Variants in PTPRT observed in about 807,000 individuals in gnomAD.
PTPRT encodes receptor-type tyrosine-protein phosphatase T.
A neutral mutation model predicts 176.8 loss-of-function variants in PTPRT; 56 were observed. That is an observed-to-expected ratio of 0.32 (90% CI 0.26 to 0.40). The LOEUF (loss-of-function observed/expected upper bound fraction) is 0.40. Ranked by LOEUF, PTPRT falls within the 10% of genes least tolerant of loss-of-function variation. The pLI is 1.00. For synonymous variants in PTPRT, 783 were observed against 739.0 expected, an observed-to-expected ratio of 1.06 and a Z score of -0.96; for missense variants, 1,540 against 1,908.2, an observed-to-expected ratio of 0.81 and a Z score of 3.60.
chr20:42,572,023 C>A (rs1190364893), intron 7 of PTPRT, among the ~76,000 whole-genome samples: 1 of 152,138 alleles, frequency 6.6e-6, no homozygotes, highest in African/African-American at 2.4e-5. Context: ...AACAGAAATT[C>A]ATTGCTCACA....
Position 42,727,037 on chromosome 20 carries a change from C to T in PTPRT, c.859+29425G>A, listed in dbSNP as rs367950437. Among the ~76,000 whole-genome samples, 3 of 152,098 alleles carry T rather than the reference C, an allele frequency of 2.0e-5. No individual in the cohort carries two copies. In the East Asian group the frequency reaches 5.8e-4, roughly 29 times the overall value. ...CTCCCAAGGCCTCACTTTTTGCCTG[C>T]CAATACTCTGAGGTACCAGAGTATC... is the stretch of plus-strand genomic sequence containing the variant. On this transcript the variant is annotated intron_variant, in intron 6 of 30. Transcript: ENST00000373187.
At chr20:42,205,177 A>C (rs972567657) in intron 15 of PTPRT, among the ~76,000 whole-genome samples, 2 of 151,824 alleles carry the variant, frequency 1.3e-5, no homozygotes, top group African/African-American at 4.8e-5. Context: ...ATTTCTAGCA[A>C]AGTAGAACTG....
chr20:43,184,013 T>C (rs767388045), intron 1 of PTPRT, among the ~76,000 whole-genome samples: 10 of 152,248 alleles, frequency 6.6e-5, no homozygotes, highest in Non-Finnish European at 1.3e-4. Context: ...GTTGGGTAGA[T>C]TCCTAGAAGT....
At chr20:42,558,222 T>A (rs1333964462) in intron 7 of PTPRT, among the ~76,000 whole-genome samples, 1 of 152,106 alleles carries the variant, frequency 6.6e-6, no homozygotes, top group Non-Finnish European at 1.5e-5. Flanking sequence ...CTCCCACTTA[T>A]AAGTGACAAC....
chr20:42,974,104 A>G (rs1164393760), intron 1 of PTPRT, among the ~76,000 whole-genome samples: 2 of 152,140 alleles, frequency 1.3e-5, no homozygotes, highest in East Asian at 3.9e-4. Context: ...TCACCCACCC[A>G]TATCCCGCCA....
chr20:43,114,992 A>G (rs1947460291), intron 1 of PTPRT, among the ~76,000 whole-genome samples: 1 of 152,210 alleles, frequency 6.6e-6, no homozygotes, highest in South Asian at 2.1e-4. Flanking sequence ...AGCATTTATT[A>G]AGCATTATCC....
chr20:42,789,185 A>G (rs375708595), intron 3 of PTPRT, among the ~76,000 whole-genome samples: 13 of 152,226 alleles, frequency 8.5e-5, no homozygotes, highest in African/African-American at 2.9e-4. Context: ...AATTATAAAG[A>G]TTGACAGGGA....
At chr20:42,614,582 C>T (rs2074033716) in intron 7 of PTPRT, among the ~76,000 whole-genome samples, 3 of 152,110 alleles carry the variant, frequency 2.0e-5, no homozygotes, top group Non-Finnish European at 2.9e-5. Context: ...TCAACTTTCA[C>T]CATGCTCCTC....
intron 1 of PTPRT, among the ~76,000 whole-genome samples, chr20:42,954,106 C>T (rs1981460849): frequency 6.6e-6 from 1 of 152,046 alleles, no homozygotes; most frequent in South Asian, 2.1e-4. Flanking sequence ...TGAGGGTGGG[C>T]CCTCGACTCT....
chr20:42,137,333 G>T (rs1299799611), intron 18 of PTPRT, among the ~76,000 whole-genome samples: 1 of 152,142 alleles, frequency 6.6e-6, no homozygotes, highest in African/African-American at 2.4e-5. Context: ...AGTCCTCTGG[G>T]TTTTGTTTTG....
In PTPRT at chr20:42,086,741, A is replaced by ATAT. The variant is rs1311915259; in HGVS notation, c.3847-889_3847-888insATA. 6.8e-4 allele frequency among the ~76,000 whole-genome samples: 26 copies of ATAT among 37,972 alleles called. 1 individual carries two copies. Among genetic ancestry groups the ATAT allele is most frequent in the Middle Eastern group, 0.011 (1 of 92 alleles). 24.9% of individuals were successfully genotyped at this position (37,972 alleles called of 152,430 possible). On this transcript the variant is annotated intron_variant, in intron 27 of 30. Transcript: ENST00000373187. ...GACTCCATCTCAAAAAAAAAAAAAA[A>ATAT]AAAAAAAAAAAAATATATATATATA... is the stretch of plus-strand genomic sequence containing the variant.
intron 27 of PTPRT, among the ~76,000 whole-genome samples, chr20:42,096,756 A>T (rs1410911543): frequency 7.6e-5 from 9 of 118,868 alleles, no homozygotes; most frequent in East Asian, 4.6e-4. Context: ...GCTAATTAAA[A>T]TTTTTTTTTT....
At chr20:42,234,468 G>C (rs1663408266) in intron 15 of PTPRT, among the ~76,000 whole-genome samples, 1 of 152,162 alleles carries the variant, frequency 6.6e-6, no homozygotes, top group Admixed American at 6.5e-5. Context: ...CCGTGTCTTT[G>C]CAGATGCAGT....
intron 1 of PTPRT, among the ~76,000 whole-genome samples, chr20:43,008,345 A>T (rs572683136): frequency 1.3e-5 from 2 of 152,268 alleles, no homozygotes; most frequent in South Asian, 4.2e-4. Context: ...ACACTCTCCA[A>T]ACACCAGATC....
the PTPRT span, among the ~76,000 whole-genome samples, chr20:42,038,579 T>C: frequency 6.6e-6 from 1 of 152,212 alleles, no homozygotes; most frequent in Non-Finnish European, 1.5e-5. Flanking sequence ...GGTTAGACTA[T>C]CTGGATGCAG....
Position 43,015,626 on chromosome 20 carries a change from C to A in PTPRT, c.89-129694G>T, listed in dbSNP as rs116943654. On this transcript the variant is annotated intron_variant, in intron 1 of 30. Coordinates refer to ENST00000373187, the MANE Select transcript of PTPRT (RefSeq NM_007050.6). ...TTTGCTTAGCATAAGGTGCATGATA[C>A]AAGCCTGGCAGGCCTCCCGCACTAA... Among the ~76,000 whole-genome samples, 17 of 152,280 alleles carry A rather than the reference C, an allele frequency of 1.1e-4. No individual in the cohort carries two copies. In the East Asian group the frequency reaches 2.7e-3, roughly 24 times the overall value.
At chr20:42,633,882 AATATAATTATTATAT>A (rs1337591754) in intron 7 of PTPRT, among the ~76,000 whole-genome samples, 2 of 70,322 alleles carry the variant, frequency 2.8e-5, no homozygotes, top group African/African-American at 6.4e-5. Context: ...AATATATTAT[AATATAATTATTATAT>A]ATAATATAAT....
intron 9 of PTPRT, among the ~76,000 whole-genome samples, chr20:42,411,517 C>CAAAAAAAAAAAAAAA (rs10591184): frequency 1.1e-5 from 1 of 88,338 alleles, no homozygotes; most frequent in Non-Finnish European, 2.2e-5. Flanking sequence ...AACCCTGTCT[C>CAAAAAAAAAAAAAAA]AAAAAAAAAA....
intron 14 of PTPRT, among the ~76,000 whole-genome samples, chr20:42,247,615 T>C (rs2056475756): frequency 6.6e-6 from 1 of 152,080 alleles, no homozygotes; most frequent in South Asian, 2.1e-4. Context: ...GGCTGAGGTG[T>C]TGGTTTGGTT....
Sources: gnomAD v4.1 joint callset for allele counts (sites outside exome capture counted in the v4.1 genomes callset) on GRCh38, gnomAD v4.1.1 for gene constraint, MANE v1.5 for transcripts, NCBI Gene and HGNC (gene_info 2026-07-23, HGNC 2026-07-21) for gene names.